Variants in SPATA6L observed in about 807,000 individuals in gnomAD.
SPATA6L encodes spermatogenesis associated 6-like protein.
In SPATA6L, 68 loss-of-function variants were observed where a neutral mutation model predicts 49.2. That is an observed-to-expected ratio of 1.38 (90% CI 1.14 to 1.69). The LOEUF is 1.69. Ranked by LOEUF, SPATA6L falls within the 40% of genes most tolerant of loss-of-function variation. The pLI is 0.00. For synonymous variants in SPATA6L, 198 were observed against 165.7 expected (o/e 1.19, Z -1.50); for missense variants, 668 against 464.3 (o/e 1.44, Z -4.03).
intron 9 of SPATA6L, 56 bp downstream of exon 9, chr9:4,617,867 C>T: frequency 6.9e-7 from 1 of 1,452,580 alleles, no homozygotes. Flanking sequence ...CCCAGCTTTA[C>T]CCCTGCCAGG....
intron 3 of SPATA6L, among the ~76,000 whole-genome samples, chr9:4,645,367 T>A (rs12338009): frequency 6.6e-6 from 1 of 152,212 alleles, no homozygotes; most frequent in South Asian, 2.1e-4. Context: ...AATTTATTTT[T>A]AAAAAGCTAT....
chr9:4,604,447 T>G (rs1824211988), intron 10 of SPATA6L, among the ~76,000 whole-genome samples, 178 bp from the exon 11 acceptor site: 1 of 152,138 alleles, frequency 6.6e-6, no homozygotes, highest in Admixed American at 6.5e-5. Flanking sequence ...GAGGTCTCAT[T>G]ATGTTGCCAG....
At chr9:4,597,510 C>T (rs995734370), downstream of SPATA6L, among the ~76,000 whole-genome samples, 2 of 152,210 alleles carry the variant, frequency 1.3e-5, no homozygotes, top group Non-Finnish European at 2.9e-5. Context: ...AAGGACCCAT[C>T]TGCACCATGT....
intron 9 of SPATA6L, among the ~76,000 whole-genome samples, chr9:4,614,191 G>A (rs1182274502): frequency 1.3e-5 from 2 of 152,158 alleles, no homozygotes; most frequent in African/African-American, 2.4e-5. Flanking sequence ...GGGGCATGAC[G>A]CTATTCAGAT....
chr9:4,621,626 C>T (rs761114649), intron 7 of SPATA6L, among the ~76,000 whole-genome samples: 3 of 152,002 alleles, frequency 2.0e-5, no homozygotes, highest in Non-Finnish European at 2.9e-5. Context: ...GTAGCTGGGA[C>T]TACAGGCATG....
chr9:4,648,561 G>A lies in SPATA6L; in HGVS notation c.226+7480C>T, dbSNP rs1026394122. Among the ~76,000 whole-genome samples, 53 of 151,854 alleles carry A rather than the reference G, an allele frequency of 3.5e-4. 1 individual carries two copies. In the Middle Eastern group the frequency reaches 0.017, roughly 49 times the overall value. ...TAAAAATACAAAAAATTAGCCGGGC[G>A]TGGTGGCGGGAGCCTGTGGTCCCAG... On this transcript the variant is annotated intron_variant, in intron 3 of 11. Coordinates refer to ENST00000682582, the MANE Select transcript of SPATA6L (RefSeq NM_001353486.2).
chr9:4,660,965 G>A (rs1250979308), intron 2 of SPATA6L, among the ~76,000 whole-genome samples: 1 of 152,134 alleles, frequency 6.6e-6, no homozygotes, highest in Non-Finnish European at 1.5e-5. Flanking sequence ...CTCACTGATA[G>A]GTGGGAATTG....
chr9:4,663,528 T>G (rs1840364129), intron 1 of SPATA6L: 1 of 403,488 alleles, frequency 2.5e-6, no homozygotes, highest in Non-Finnish European at 4.6e-6. Flanking sequence ...CCAGGACAAC[T>G]GCAAAGAAAA....
intron 9 of SPATA6L, among the ~76,000 whole-genome samples, chr9:4,611,674 G>C (rs1288122193): frequency 6.7e-6 from 1 of 149,364 alleles, no homozygotes; most frequent in Non-Finnish European, 1.5e-5. Flanking sequence ...GGGAGGGATA[G>C]CAGTGGGAGA....
intron 3 of SPATA6L, among the ~76,000 whole-genome samples, chr9:4,647,334 G>A (rs896926939): frequency 6.6e-6 from 1 of 152,168 alleles, no homozygotes; most frequent in African/African-American, 2.4e-5. Context: ...GCTCGTGCCT[G>A]TAATCCCAGC....
In SPATA6L at chr9:4,635,258, G is replaced by A. The variant is rs778972507; in HGVS notation, c.351+17C>T. ...TTTCTCTCCTAATAGAAGCCCAGAT[G>A]AGCATGAATCACTTACTGGAAAACC... is the stretch of plus-strand genomic sequence containing the variant. On this transcript the variant is annotated intron_variant, in intron 4 of 11. Coordinates refer to ENST00000682582, the MANE Select transcript of SPATA6L (RefSeq NM_001353486.2). 10 of 1,503,772 alleles carry A rather than the reference G, an allele frequency of 6.6e-6. No homozygotes were observed. Among genetic ancestry groups the A allele is most frequent in the Middle Eastern group, 1.8e-4 (1 of 5,652 alleles). The allele number at this position is 1,503,772 out of a possible 1,614,324, so 93.2% of individuals were successfully genotyped here.
chr9:4,626,613 C>G (rs780427762), intron 5 of SPATA6L: 3 of 1,220,900 alleles, frequency 2.5e-6, no homozygotes, highest in Non-Finnish European at 3.2e-6. Flanking sequence ...CCCCTTTTAT[C>G]TTTCAGTCTT....
chr9:4,633,110 T>G (rs1831984660), intron 4 of SPATA6L: 1 of 153,948 alleles, frequency 6.5e-6, no homozygotes, highest in African/African-American at 2.4e-5. Flanking sequence ...TCATACTTTT[T>G]ATGAGAAGCA....
Position 4,625,424 on chromosome 9 carries a change from G to C in SPATA6L, c.572C>G (p.Ser191Cys). ...GMQARAPSQY[S>C]TRHFFQDQPA... ...CTGGTCCTGGAAGAAATGCCTGGTAGAATATTGAGAGGGCGCCCGGGCTTG... is the reference window on the plus strand; with the variant it reads ...CTGGTCCTGGAAGAAATGCCTGGTACAATATTGAGAGGGCGCCCGGGCTTG... Residue 191 changes from serine to cysteine, a missense_variant, in exon 6 of 12, where the codon TCT (serine) becomes TGT (cysteine). Transcript: ENST00000682582. 6.2e-7 allele frequency: 1 copy of C among 1,614,142 alleles called. No individual in the cohort carries two copies. Among genetic ancestry groups the C allele is most frequent in the Non-Finnish European group, 8.5e-7 (1 of 1,180,018 alleles).
chr9:4,650,840 G>C (rs996897940), intron 3 of SPATA6L, among the ~76,000 whole-genome samples: 1 of 36,588 alleles, frequency 2.7e-5, no homozygotes, highest in Admixed American at 2.7e-4. Context: ...GTGTGTGTGT[G>C]TGTGTGTGTG....
downstream of SPATA6L, among the ~76,000 whole-genome samples, chr9:4,594,585 A>G (rs915328600): frequency 2.0e-5 from 3 of 151,964 alleles, no homozygotes; most frequent in Non-Finnish European, 4.4e-5. Flanking sequence ...CTTGCTTTTG[A>G]CCCCAAGAGG....
At position 4,635,314 on chromosome 9, in the gene SPATA6L, C is replaced by G. The variant is rs750842996; in HGVS notation, c.312G>C (p.Arg104Ser). 1.3e-6 allele frequency: 2 copies of G among 1,584,234 alleles called. No individual in the cohort carries two copies. The highest frequency in any genetic ancestry group is 2.8e-5 in the African/African-American group (2 of 72,374). The change falls in exon 4 of 12, where the codon AGG (arginine) becomes AGC (serine). Residue 104 changes from arginine to serine, a missense_variant. Coordinates refer to ENST00000682582, the MANE Select transcript of SPATA6L (RefSeq NM_001353486.2). Reference sequence around the variant, plus strand: ...CCGTCTTCATGAGCACCTCCCTACACCTCCTAGGGTGCGAAGGTGTCAGCT... The same window carrying G: ...CCGTCTTCATGAGCACCTCCCTACAGCTCCTAGGGTGCGAAGGTGTCAGCT... ...EPKLTPSHPR[R>S]CREVLMKTAL...
chr9:4,592,533 C>A (rs1028707456), intron 13 of SPATA6L, among the ~76,000 whole-genome samples: 2 of 152,170 alleles, frequency 1.3e-5, no homozygotes, highest in Admixed American at 6.5e-5. Context: ...GACCACACAA[C>A]AAATAGATCG....
At chr9:4,606,008 G>A (rs879697536) in intron 9 of SPATA6L, among the ~76,000 whole-genome samples, 6 of 152,152 alleles carry the variant, frequency 3.9e-5, no homozygotes, top group Admixed American at 1.3e-4. Context: ...GGAAGCGCAA[G>A]GGGTCAGGCA....
Sources: allele counts gnomAD v4.1 joint callset (sites outside exome capture counted in the v4.1 genomes callset), GRCh38; gene constraint gnomAD v4.1.1; transcripts MANE v1.5; gene names NCBI Gene and HGNC (gene_info 2026-07-23, HGNC 2026-07-21).